Variants in FHL2 observed in about 807,000 individuals in gnomAD.
FHL2 encodes four and a half LIM domains protein 2.
In FHL2, 20 loss-of-function variants were observed where a neutral mutation model predicts 32.7. The ratio of observed to expected loss-of-function variants is 0.61; its 90% CI spans 0.43 to 0.89. FHL2 has a LOEUF of 0.89. Ranked by LOEUF, FHL2 falls within the 40% of genes least tolerant of loss-of-function variation. FHL2 has a pLI of 0.00. For missense variants in FHL2, 311 were observed against 358.6 expected (o/e 0.87, Z 1.07); for synonymous variants, 123 against 128.1 (o/e 0.96, Z 0.27).
rs768797110 is a variant in FHL2, at chr2:105,373,773, A to C, written c.157-40T>G. Reference sequence around the variant, plus strand: ...CACACAAGACAGTCAGAGGCAGGACAGGAGGGCTTGGACCCACAGCATAGG... The same window carrying C: ...CACACAAGACAGTCAGAGGCAGGACCGGAGGGCTTGGACCCACAGCATAGG... On this transcript the variant is annotated intron_variant, in intron 3 of 6. Coordinates refer to ENST00000530340, the MANE Select transcript of FHL2 (RefSeq NM_001318895.3). 3.1e-6 allele frequency: 5 copies of C among 1,609,974 alleles called. No individual in the cohort carries two copies. The South Asian group carries it at 4.4e-5, about 14-fold the overall frequency.
intron 1 of FHL2, among the ~76,000 whole-genome samples, chr2:105,423,991 A>G (rs907015373): frequency 7.2e-5 from 11 of 152,218 alleles, no homozygotes; most frequent in African/African-American, 2.7e-4. Flanking sequence ...CTAAAACACC[A>G]AAAGCAATGG....
chr2:105,421,434 C>T (rs1684100953), intron 1 of FHL2, among the ~76,000 whole-genome samples: 1 of 152,172 alleles, frequency 6.6e-6, no homozygotes, highest in Non-Finnish European at 1.5e-5. Context: ...AGACCATAAG[C>T]TCAACTCTCC....
intron 3 of FHL2, among the ~76,000 whole-genome samples, chr2:105,377,189 G>A (rs1681532074): frequency 6.6e-6 from 1 of 152,146 alleles, no homozygotes; most frequent in African/African-American, 2.4e-5. Flanking sequence ...GCTTGATGGG[G>A]GTAGTATTTC....
intron 1 of FHL2, among the ~76,000 whole-genome samples, chr2:105,410,883 A>C (rs1683768602): frequency 6.6e-6 from 1 of 152,248 alleles, no homozygotes; most frequent in African/African-American, 2.4e-5. Flanking sequence ...CCAACATTCG[A>C]AAATGGACTT....
At chr2:105,366,725 C>T (rs557230474) in intron 5 of FHL2, among the ~76,000 whole-genome samples, 25 of 152,198 alleles carry the variant, frequency 1.6e-4, no homozygotes, top group African/African-American at 5.8e-4. Context: ...AGCACATTAT[C>T]GAGTAGATAA....
chr2:105,378,093 T>G (rs1232994908), intron 3 of FHL2: 1 of 467,736 alleles, frequency 2.1e-6, no homozygotes, highest in Non-Finnish European at 4.4e-6. Flanking sequence ...AGTCCCCAGA[T>G]GGAGGAAAGA....
chr2:105,433,369 G>A (rs7568940), intron 1 of FHL2, among the ~76,000 whole-genome samples: 49,684 of 151,834 alleles, frequency 0.33, 9,788 homozygotes, highest in African/African-American at 0.56. Context: ...TTTAGGAGAG[G>A]CAGGGTTTCC....
chr2:105,427,268 A>G (rs1027594822), intron 1 of FHL2, among the ~76,000 whole-genome samples: 1 of 152,216 alleles, frequency 6.6e-6, no homozygotes, highest in Admixed American at 6.5e-5. Context: ...TTACTATGTG[A>G]AAAGCATTCT....
intron 2 of FHL2, among the ~76,000 whole-genome samples, chr2:105,391,444 CAGGTCAGGTCA>C (rs973196688): frequency 9.4e-4 from 143 of 152,148 alleles, no homozygotes; most frequent in African/African-American, 3.3e-3. Context: ...GGTGATATGG[CAGGTCAGGTCA>C]AGGGGTGGAG....
chr2:105,420,804 G>A (rs1479229219), intron 1 of FHL2, among the ~76,000 whole-genome samples: 1 of 152,248 alleles, frequency 6.6e-6, no homozygotes, highest in Non-Finnish European at 1.5e-5. Flanking sequence ...TCACATTAGG[G>A]TTCATGCTCC....
chr2:105,431,986 T>C (rs1684450126), intron 1 of FHL2, among the ~76,000 whole-genome samples: 1 of 152,226 alleles, frequency 6.6e-6, no homozygotes, highest in African/African-American at 2.4e-5. Flanking sequence ...GAAGGGTTTA[T>C]CAGTCCTTCT....
chr2:105,395,879 G>A (rs538301025), intron 2 of FHL2, among the ~76,000 whole-genome samples: 1 of 152,298 alleles, frequency 6.6e-6, no homozygotes, highest in African/African-American at 2.4e-5. Context: ...ACCGAAGGCT[G>A]AGGATGAGTG....
chr2:105,433,685 A>C (rs967748081), intron 1 of FHL2, among the ~76,000 whole-genome samples: 3 of 152,110 alleles, frequency 2.0e-5, no homozygotes, highest in Admixed American at 1.3e-4. Flanking sequence ...CACCCTGTAC[A>C]TCCTGAGTGT....
At position 105,409,394 on chromosome 2, in the gene FHL2, G is replaced by A. The variant is rs1216439642; in HGVS notation, c.-24-22854C>T. On this transcript the variant is annotated intron_variant, in intron 1 of 5. Transcript: ENST00000393352. ...CCCAGAAGTCTCCCATGATGCTCAT[G>A]TGTGGCTGTGGCTATTCTAAGTAGG... 3.3e-5 allele frequency among the ~76,000 whole-genome samples: 5 copies of A among 152,228 alleles called. No individual in the cohort carries two copies. The East Asian group carries it at 9.6e-4, about 29-fold the overall frequency.
At chr2:105,436,429 T>A (rs914716315) in intron 1 of FHL2, among the ~76,000 whole-genome samples, 1 of 152,170 alleles carries the variant, frequency 6.6e-6, no homozygotes, top group Non-Finnish European at 1.5e-5. Context: ...TTTTAATATG[T>A]TGACTAAACA....
At chr2:105,363,258 T>C in intron 6 of FHL2, 27 bp downstream of exon 6, 5 of 1,611,720 alleles carry the variant, frequency 3.1e-6, no homozygotes, top group Non-Finnish European at 4.2e-6. Context: ...CAATCGCCCC[T>C]GGAAATGGGA....
In FHL2 at chr2:105,386,443, C is replaced by T. The variant is rs1356667717; in HGVS notation, c.74G>A (p.Ser25Asn). ...CTCAAAGCACACCACGCAGTAGGGG[C>T]TCTCCTCCCGCAGGATGTACTTCTT... is the stretch of plus-strand genomic sequence containing the variant. ...FGKKYILREE[S>N]PYCVVCFETL... The change falls in exon 3 of 7, where the codon AGC becomes AAC. Residue 25 changes from serine (S) to asparagine (N), a missense_variant. Coordinates refer to ENST00000530340, the MANE Select transcript of FHL2 (RefSeq NM_001318895.3). 23 of 1,614,126 alleles carry T rather than the reference C, an allele frequency of 1.4e-5. No individual in the cohort carries two copies. The highest frequency in any genetic ancestry group is 6.7e-5 in the Admixed American group (4 of 60,016).
chr2:105,398,107 T>C (rs911482640), intron 1 of FHL2, among the ~76,000 whole-genome samples: 5 of 152,140 alleles, frequency 3.3e-5, no homozygotes, highest in African/African-American at 4.8e-5. Context: ...GATGTCTAAG[T>C]ACACTGCTGC....
intron 4 of FHL2, among the ~76,000 whole-genome samples, chr2:105,368,428 C>G (rs564675656): frequency 1.1e-4 from 17 of 152,292 alleles, no homozygotes; most frequent in Admixed American, 9.8e-4. Flanking sequence ...AACATCTGGG[C>G]TCCAGGGAAA....
Sources: gnomAD v4.1 joint callset for allele counts (sites outside exome capture counted in the v4.1 genomes callset) on GRCh38, gnomAD v4.1.1 for gene constraint, MANE v1.5 for transcripts, NCBI Gene and HGNC (gene_info 2026-07-23, HGNC 2026-07-21) for gene names.